Variants in ROBO2 observed in about 807,000 individuals in gnomAD.
ROBO2 encodes roundabout homolog 2.
A neutral mutation model predicts 160.8 loss-of-function variants in ROBO2; 53 were observed. The ratio of observed to expected loss-of-function variants is 0.33; its 90% CI spans 0.26 to 0.41. ROBO2 has a LOEUF of 0.41. Among genes scored for constraint, ROBO2 ranks in the 10% least tolerant of loss-of-function variants. ROBO2 has a pLI of 1.00. For synonymous variants in ROBO2, 664 were observed against 611.7 expected (o/e 1.09, Z -1.26); for missense variants, 1,577 against 1,722.4 (o/e 0.92, Z 1.49).
chr3:77,403,618 A>G (rs111648151), intron 2 of ROBO2, among the ~76,000 whole-genome samples: 2,230 of 134,432 alleles, frequency 0.017, 57 homozygotes, highest in African/African-American at 0.052. Flanking sequence ...GTGTGTGTGT[A>G]TTTTTTTTTT....
intron 2 of ROBO2, among the ~76,000 whole-genome samples, chr3:76,299,924 T>C (rs1430790179): frequency 6.6e-6 from 1 of 152,134 alleles, no homozygotes; most frequent in African/African-American, 2.4e-5. Context: ...TTGCAAAACA[T>C]AACTGAGAGG....
At chr3:76,796,313 A>T (rs2063688397) in intron 2 of ROBO2, among the ~76,000 whole-genome samples, 1 of 152,032 alleles carries the variant, frequency 6.6e-6, no homozygotes, top group Non-Finnish European at 1.5e-5. Flanking sequence ...CACTTTCATC[A>T]ATGTTCTTAG....
chr3:77,405,362 T>A (rs543010220), intron 2 of ROBO2, among the ~76,000 whole-genome samples: 1 of 152,136 alleles, frequency 6.6e-6, no homozygotes, highest in Non-Finnish European at 1.5e-5. Context: ...TTGTAAAATA[T>A]ATGTAATTTA....
At chr3:76,929,129 G>A (rs1016130541) in intron 2 of ROBO2, among the ~76,000 whole-genome samples, 25 of 152,062 alleles carry the variant, frequency 1.6e-4, no homozygotes, top group Admixed American at 1.1e-3. Context: ...GCGTGATGGC[G>A]TTTGCTTGTA....
chr3:76,368,303 C>T (rs2075933514), intron 2 of ROBO2, among the ~76,000 whole-genome samples: 1 of 151,806 alleles, frequency 6.6e-6, no homozygotes, highest in Admixed American at 6.6e-5. Context: ...TTACTGCTGC[C>T]CAACAAATTA....
At chr3:76,686,310 T>C (rs264563) in intron 2 of ROBO2, among the ~76,000 whole-genome samples, 151,542 of 152,190 alleles carry the variant, frequency 1, 75,454 homozygotes, top group Middle Eastern at 1. Flanking sequence ...CAGTGTTAGT[T>C]TTCAAATTTC....
chr3:77,364,040 A>AT (rs2070462748), intron 2 of ROBO2, among the ~76,000 whole-genome samples: 1 of 152,128 alleles, frequency 6.6e-6, no homozygotes, highest in Non-Finnish European at 1.5e-5. Flanking sequence ...AATGAAAATC[A>AT]TTTTATCTTA....
intron 2 of ROBO2, among the ~76,000 whole-genome samples, chr3:76,726,357 T>C (rs1400524163): frequency 6.6e-6 from 1 of 152,182 alleles, no homozygotes; most frequent in Non-Finnish European, 1.5e-5. Context: ...AATTAGGCTA[T>C]GATTTTTTTA....
Position 76,524,826 on chromosome 3 carries a change from TAAAAAAAAAAAAAAAAAAAAAAAAAAA to T in ROBO2, c.110-573174_110-573148del, listed in dbSNP as rs58091252. On this transcript the variant is annotated intron_variant, in intron 2 of 26. Coordinates refer to the ROBO2 transcript ENST00000487694. ...TAAAAACCTATGACCCTCTTATTCC[TAAAAAAAAAAAAAAAAAAAAAAAAAAA>T]AAAAAAAAAAAAATAAGTAAAATCA... Among the ~76,000 whole-genome samples the T allele has an allele frequency of 2.3e-4, 5 of 21,740 alleles. No homozygotes were observed. In the East Asian group the frequency reaches 6.4e-3, roughly 28 times the overall value. 14.3% of individuals were successfully genotyped at this position (21,740 alleles called of 152,430 possible).
At chr3:77,293,279 A>T (rs1456664135) in intron 2 of ROBO2, among the ~76,000 whole-genome samples, 2 of 151,508 alleles carry the variant, frequency 1.3e-5, no homozygotes, top group East Asian at 3.9e-4. Flanking sequence ...CTGAGGCTAG[A>T]TCACCAAAGA....
intron 2 of ROBO2, among the ~76,000 whole-genome samples, chr3:76,651,990 G>T (rs1448560286): frequency 6.6e-6 from 1 of 152,130 alleles, no homozygotes; most frequent in Non-Finnish European, 1.5e-5. Flanking sequence ...TTACCAAATG[G>T]AGGATGTCGC....
chr3:77,166,188 G>A (rs901798865), intron 2 of ROBO2, among the ~76,000 whole-genome samples: 3 of 152,038 alleles, frequency 2.0e-5, no homozygotes, highest in African/African-American at 7.2e-5. Flanking sequence ...AACCCAGGAG[G>A]CGGAGGTTGT....
chr3:76,553,374 T>C (rs563251541), intron 2 of ROBO2, among the ~76,000 whole-genome samples: 2 of 152,160 alleles, frequency 1.3e-5, no homozygotes, highest in Non-Finnish European at 2.9e-5. Flanking sequence ...ATATGTCACA[T>C]GCTACCCGGT....
At chr3:76,532,305 G>GTTATGACT (rs2082272689) in intron 2 of ROBO2, among the ~76,000 whole-genome samples, 1 of 152,194 alleles carries the variant, frequency 6.6e-6, no homozygotes, top group South Asian at 2.1e-4. Flanking sequence ...TTCCAGTTGA[G>GTTATGACT]TTATGACTGA....
At chr3:77,015,161 T>C (rs775412819) in intron 2 of ROBO2, among the ~76,000 whole-genome samples, 152 of 152,194 alleles carry the variant, frequency 1.0e-3, no homozygotes, top group Non-Finnish European at 1.1e-3. Context: ...AAGGAAATAG[T>C]GTTTAAAATC....
rs143837726 is a variant in ROBO2 at position 76,410,422 on chromosome 3, A to G, written c.109+472820A>G. 1.6e-4 allele frequency among the ~76,000 whole-genome samples: 24 copies of G among 152,216 alleles called. No homozygotes were observed. The East Asian group carries it at 3.5e-3, about 22-fold the overall frequency. ...ATCACCTCATAGATGAAATGGATAAACTTAAATATTTAGAATATTGAAATG... is the reference window on the plus strand; with the variant it reads ...ATCACCTCATAGATGAAATGGATAAGCTTAAATATTTAGAATATTGAAATG... On this transcript the variant is annotated intron_variant, in intron 2 of 26. Coordinates refer to the ROBO2 transcript ENST00000487694.
intron 2 of ROBO2, among the ~76,000 whole-genome samples, chr3:77,394,525 G>A (rs1008341442): frequency 7.9e-5 from 12 of 152,026 alleles, no homozygotes; most frequent in African/African-American, 2.9e-4. Flanking sequence ...TCCTTGTTTT[G>A]TGCTCAGATG....
At chr3:76,288,849 C>T (rs1708662407) in intron 2 of ROBO2, among the ~76,000 whole-genome samples, 1 of 152,276 alleles carries the variant, frequency 6.6e-6, no homozygotes, top group South Asian at 2.1e-4. Flanking sequence ...GCCTAGTATT[C>T]TATTGTATAT....
intron 2 of ROBO2, among the ~76,000 whole-genome samples, chr3:76,374,176 T>C (rs767861587): frequency 2.7e-4 from 41 of 151,950 alleles, no homozygotes; most frequent in Non-Finnish European, 4.0e-4. Flanking sequence ...CATGTTTTCA[T>C]GGAAGGAGCT....
Sources: allele counts gnomAD v4.1 joint callset (sites outside exome capture counted in the v4.1 genomes callset), GRCh38; gene constraint gnomAD v4.1.1; transcripts MANE v1.5; gene names NCBI Gene and HGNC (gene_info 2026-07-23, HGNC 2026-07-21).